The following HPS3 variants were observed in gnomAD, a reference collection of about 807,000 sequenced individuals.
HPS3 encodes the protein HPS3 biogenesis of lysosomal organelles complex 2 subunit 1, also known as BLOC-2 complex member HPS3.
Under a neutral mutation model 110.9 loss-of-function variants are expected in HPS3, and 79 were observed. The ratio of observed to expected loss-of-function variants is 0.71; its 90% confidence interval spans 0.59 to 0.86. The LOEUF (loss-of-function observed/expected upper bound fraction) is 0.86, where lower values mean the gene tolerates loss of function less well. Among genes scored for constraint, HPS3 ranks in the 40% least tolerant of loss-of-function variants. The pLI, the probability that HPS3 is intolerant of heterozygous loss-of-function variation, is 0.00. For synonymous variants in HPS3, 428 were observed against 451.0 expected (o/e 0.95, Z 0.65); for missense variants, 1,197 against 1,206.2 (o/e 0.99, Z 0.11).
At chr3:149,154,829 G>T (rs1169422093) in intron 7 of HPS3, among the ~76,000 whole-genome samples, 1 of 152,176 alleles carries the variant, frequency 6.6e-6, no homozygotes, top group South Asian at 2.1e-4. Context: ...GATGGGACTT[G>T]CCTGTTCTTT....
chr3:149,166,896 G>A (rs898520546), intron 14 of HPS3, 138 bp from the exon 15 acceptor site: 17 of 710,594 alleles, frequency 2.4e-5, no homozygotes, highest in Admixed American at 8.0e-5. Flanking sequence ...TAAGGACCAC[G>A]TGCATGTGCT....
Position 149,155,107 on chromosome 3 carries a change from T to A in HPS3, c.1401T>A (p.Leu467=). The change falls in exon 8 of 17, where the codon CTT becomes CTA. Residue 467 remains leucine (L), a splice_region_variant and synonymous_variant. Coordinates refer to ENST00000296051, the MANE Select transcript of HPS3 (RefSeq NM_032383.5). ...PERRQSPKRL[L]SRKDTSVKIK... ...TTCTTGTCCTTTGTTTTGCTTTTAG[T>A]TCGAGAAAAGATACCAGTGTTAAAA... The A allele has an allele frequency of 6.4e-7, 1 of 1,564,686 alleles. No individual in the cohort carries two copies. Among genetic ancestry groups the A allele is most frequent in the East Asian group, 2.2e-5 (1 of 44,648 alleles).
chr3:149,138,437 C>T (rs1376438364), intron 1 of HPS3, among the ~76,000 whole-genome samples: 2 of 152,004 alleles, frequency 1.3e-5, no homozygotes, highest in Non-Finnish European at 1.5e-5. Flanking sequence ...CTTCTTTACC[C>T]GCAAAATTCT....
At chr3:149,131,462 T>C (rs1416002511) in intron 1 of HPS3, among the ~76,000 whole-genome samples, 1 of 152,188 alleles carries the variant, frequency 6.6e-6, no homozygotes, top group Non-Finnish European at 1.5e-5. Context: ...TTATCATAAT[T>C]ATTGTATCTA....
chr3:149,145,785 A>AT (rs910030607), intron 5 of HPS3, among the ~76,000 whole-genome samples: 4 of 152,220 alleles, frequency 2.6e-5, no homozygotes, highest in African/African-American at 9.7e-5. Flanking sequence ...GTAAGGAAGT[A>AT]TAAGGTTCTT....
chr3:149,161,591 C>T (rs1723860054), intron 11 of HPS3, among the ~76,000 whole-genome samples: 1 of 149,392 alleles, frequency 6.7e-6, no homozygotes, highest in Admixed American at 6.8e-5. Context: ...CTTACTGCAA[C>T]CTCCACCTCC....
intron 1 of HPS3, among the ~76,000 whole-genome samples, chr3:149,136,131 A>G (rs1722075725): frequency 2.0e-5 from 3 of 152,120 alleles, no homozygotes; most frequent in African/African-American, 7.2e-5. Context: ...AGCCTGGGCT[A>G]CATAGTGAAA....
chr3:149,157,652 T>G, intron 9 of HPS3, 121 bp downstream of exon 9: 1 of 889,326 alleles, frequency 1.1e-6, no homozygotes, highest in Non-Finnish European at 1.8e-6. Context: ...TATTCCCTTC[T>G]TCCACAAGCA....
chr3:149,131,111 T>G, intron 1 of HPS3, among the ~76,000 whole-genome samples: 1 of 135,518 alleles, frequency 7.4e-6, no homozygotes, highest in African/African-American at 2.8e-5. Flanking sequence ...CCTTGGGGTC[T>G]GAGTTTATGT....
chr3:149,137,811 G>A (rs1402299660), intron 1 of HPS3, among the ~76,000 whole-genome samples: 1 of 152,278 alleles, frequency 6.6e-6, no homozygotes. Context: ...ACCCTGGGGA[G>A]AGGGAGGAAT....
chr3:149,142,360 G>A (rs1292893366), intron 4 of HPS3, among the ~76,000 whole-genome samples: 1 of 152,192 alleles, frequency 6.6e-6, no homozygotes, highest in Non-Finnish European at 1.5e-5. Context: ...TGTGAATTAG[G>A]TGTAAAAATG....
intron 5 of HPS3, among the ~76,000 whole-genome samples, chr3:149,148,716 T>G (rs2681078): frequency 0.64 from 97,548 of 151,510 alleles, 31,625 homozygotes; most frequent in South Asian, 0.78. Flanking sequence ...TTTTTTTTTT[T>G]TTGTTGTTGT....
intron 16 of HPS3, among the ~76,000 whole-genome samples, chr3:149,169,645 C>T (rs1724784594): frequency 6.6e-6 from 1 of 152,172 alleles, no homozygotes; most frequent in Admixed American, 6.5e-5. Flanking sequence ...AAAAATGTCT[C>T]CAGATGTTGC....
chr3:149,158,344 A>G (rs929975170), intron 9 of HPS3, among the ~76,000 whole-genome samples: 5 of 152,206 alleles, frequency 3.3e-5, no homozygotes, highest in Non-Finnish European at 7.3e-5. Context: ...TGAGCAGGCA[A>G]AAAGAAACTG....
intron 1 of HPS3, among the ~76,000 whole-genome samples, chr3:149,131,744 G>T (rs1218149067): frequency 6.6e-6 from 1 of 152,226 alleles, no homozygotes; most frequent in Admixed American, 6.5e-5. Flanking sequence ...ATTAAGCTTA[G>T]TGAGGAAGGC....
At chr3:149,154,628 A>T (rs1032628601) in intron 7 of HPS3, among the ~76,000 whole-genome samples, 1 of 152,376 alleles carries the variant, frequency 6.6e-6, no homozygotes, top group Non-Finnish European at 1.5e-5. Context: ...AATGTATCAC[A>T]TAGTGAAAGC....
At chr3:149,134,157 A>G (rs1362235334) in intron 1 of HPS3, among the ~76,000 whole-genome samples, 2 of 152,210 alleles carry the variant, frequency 1.3e-5, no homozygotes, top group Non-Finnish European at 2.9e-5. Flanking sequence ...GCACTGGGCC[A>G]CGGACCTGTT....
At chr3:149,150,525 G>T (rs1576677799) in intron 5 of HPS3, 74 bp from the exon 6 acceptor site, 32 of 1,225,058 alleles carry the variant, frequency 2.6e-5, no homozygotes, top group Non-Finnish European at 3.6e-5. Flanking sequence ...CTGTTTGCCT[G>T]TGAAACCCTC....
intron 4 of HPS3, among the ~76,000 whole-genome samples, chr3:149,142,412 C>T (rs1363202214): frequency 6.6e-6 from 1 of 152,130 alleles, no homozygotes; most frequent in African/African-American, 2.4e-5. Flanking sequence ...GTTTTCAACC[C>T]TGCCACACAA....
Sources: allele counts gnomAD v4.1 joint callset (sites outside exome capture counted in the v4.1 genomes callset), GRCh38; gene constraint gnomAD v4.1.1; transcripts MANE v1.5; gene names NCBI Gene and HGNC (gene_info 2026-07-23, HGNC 2026-07-21).